Variants in SLC24A3 observed in about 807,000 individuals in gnomAD.
SLC24A3 encodes the protein solute carrier family 24 member 3, also known as sodium/potassium/calcium exchanger 3.
Under a neutral mutation model 75.8 loss-of-function variants are expected in SLC24A3, and 28 were observed. That is an observed-to-expected ratio of 0.37 (90% CI 0.27 to 0.51). The LOEUF (loss-of-function observed/expected upper bound fraction) is 0.51, where lower values mean the gene tolerates loss of function less well. Among genes scored for constraint, SLC24A3 ranks in the 20% least tolerant of loss-of-function variants. SLC24A3 has a pLI of 0.94. For missense variants in SLC24A3, 663 were observed against 847.8 expected (o/e 0.78, Z 2.71); for synonymous variants, 372 against 334.1 (o/e 1.11, Z -1.24).
intron 2 of SLC24A3, among the ~76,000 whole-genome samples, chr20:19,325,797 G>GTATATATATATATAT (rs1984841907): frequency 2.5e-5 from 1 of 40,424 alleles, no homozygotes; most frequent in Non-Finnish European, 4.3e-5. Context: ...TATATATATA[G>GTATATATATATATAT]AGAGAGAGAG....
intron 3 of SLC24A3, among the ~76,000 whole-genome samples, chr20:19,555,448 A>G (rs1283167373): frequency 2.0e-5 from 3 of 152,246 alleles, no homozygotes. Context: ...TTCTTCTTCC[A>G]TTAGTCTCGA....
Position 19,383,350 on chromosome 20 carries a change from G to C in SLC24A3, c.271+102263G>C, listed in dbSNP as rs148387204. Among the ~76,000 whole-genome samples, 495 of 152,102 alleles carry C rather than the reference G, an allele frequency of 3.3e-3. 4 individuals are homozygous for C. Among genetic ancestry groups the C allele is most frequent in the African/African-American group, 0.011 (476 of 41,508 alleles). On this transcript the variant is annotated intron_variant, in intron 2 of 16. Transcript: ENST00000328041. The stretch of plus-strand genomic sequence containing the variant: ...CCAGAAAAGATAGGGGAGACAAACT[G>C]TTTCCTTTAACAGTCTTCTATGGAA...
intron 6 of SLC24A3, among the ~76,000 whole-genome samples, chr20:19,613,592 G>C (rs754889095): frequency 6.6e-6 from 1 of 152,128 alleles, no homozygotes; most frequent in Non-Finnish European, 1.5e-5. Context: ...CAATTCCTGG[G>C]CGTCACTTCC....
intron 6 of SLC24A3, among the ~76,000 whole-genome samples, chr20:19,640,222 G>A (rs1446419312): frequency 6.6e-6 from 1 of 152,226 alleles, no homozygotes; most frequent in Non-Finnish European, 1.5e-5. Flanking sequence ...AGGCACAAGT[G>A]TGTCATTTTT....
At chr20:19,374,398 G>T (rs1986044368) in intron 2 of SLC24A3, among the ~76,000 whole-genome samples, 1 of 152,150 alleles carries the variant, frequency 6.6e-6, no homozygotes, top group Non-Finnish European at 1.5e-5. Context: ...CTGAAAATTA[G>T]GCAGCCTGCC....
At chr20:19,695,609 A>G (rs546129929) in intron 13 of SLC24A3, 1 of 152,362 alleles carries the variant, frequency 6.6e-6, no homozygotes, top group African/African-American at 2.4e-5. Flanking sequence ...TAGTGTATCC[A>G]TGACTGAAAT....
chr20:19,673,267 T>G (rs547135964), intron 8 of SLC24A3, among the ~76,000 whole-genome samples: 1 of 152,178 alleles, frequency 6.6e-6, no homozygotes, highest in East Asian at 1.9e-4. Flanking sequence ...CTGAATAGTT[T>G]CAGTGAATGA....
chr20:19,706,163 C>T (rs1321330162), intron 15 of SLC24A3, among the ~76,000 whole-genome samples: 1 of 152,112 alleles, frequency 6.6e-6, no homozygotes. Flanking sequence ...AAGAGCTGTC[C>T]AGAAATATTC....
At chr20:19,471,919 CT>C (rs1317608974) in intron 2 of SLC24A3, among the ~76,000 whole-genome samples, 17 of 152,230 alleles carry the variant, frequency 1.1e-4, no homozygotes, top group Non-Finnish European at 2.4e-4. Context: ...AAGTAATAGT[CT>C]GCAAATCTCT....
At chr20:19,389,687 T>G (rs1600460333) in intron 2 of SLC24A3, among the ~76,000 whole-genome samples, 1 of 152,348 alleles carries the variant, frequency 6.6e-6, no homozygotes, top group South Asian at 2.1e-4. Context: ...TTGAGAATTG[T>G]ATTATAATTG....
rs1366564370 is a variant in SLC24A3, at chr20:19,444,674, T to C, written c.272-70814T>C. ...ATGCAATAAGTAGTGATGGTCCCAC[T>C]TTCATTTCTGATGTTAGTAATTTGT... is the stretch of plus-strand genomic sequence containing the variant. On this transcript the variant is annotated intron_variant, in intron 2 of 16. Coordinates refer to ENST00000328041, the MANE Select transcript of SLC24A3 (RefSeq NM_020689.4). 2.0e-5 allele frequency among the ~76,000 whole-genome samples: 3 copies of C among 152,292 alleles called. No homozygotes were observed. In the East Asian group the frequency reaches 5.8e-4, roughly 29 times the overall value.
intron 9 of SLC24A3, 118 bp from the exon 10 acceptor site, chr20:19,681,740 T>C (rs2122739285): frequency 6.6e-7 from 1 of 1,515,702 alleles, no homozygotes; most frequent in Admixed American, 1.7e-5. Flanking sequence ...CACTAATAAC[T>C]TGAGGCCTGG....
At chr20:19,258,895 C>T (rs1982901003) in intron 1 of SLC24A3, among the ~76,000 whole-genome samples, 1 of 152,128 alleles carries the variant, frequency 6.6e-6, no homozygotes, top group Non-Finnish European at 1.5e-5. Flanking sequence ...GACACTTAAG[C>T]AAATTGCATT....
intron 6 of SLC24A3, among the ~76,000 whole-genome samples, chr20:19,637,026 C>G (rs188380449): frequency 1.3e-5 from 2 of 152,120 alleles, no homozygotes; most frequent in Non-Finnish European, 2.9e-5. Flanking sequence ...GGCCTGGCAC[C>G]GTGGCTCACA....
chr20:19,330,107 C>T (rs1287387177), intron 2 of SLC24A3, among the ~76,000 whole-genome samples: 1 of 152,220 alleles, frequency 6.6e-6, no homozygotes, highest in Admixed American at 6.5e-5. Context: ...AGATGACACA[C>T]TCGTCTTCTG....
chr20:19,618,228 G>A (rs937972773), intron 6 of SLC24A3, among the ~76,000 whole-genome samples: 7 of 152,182 alleles, frequency 4.6e-5, no homozygotes, highest in African/African-American at 1.4e-4. Context: ...TCATTGCTTT[G>A]TTAGTCTACT....
intron 6 of SLC24A3, among the ~76,000 whole-genome samples, chr20:19,651,609 C>T (rs1405544414): frequency 6.6e-6 from 1 of 151,946 alleles, no homozygotes; most frequent in Non-Finnish European, 1.5e-5. Flanking sequence ...CCTGTAATCC[C>T]AGCACTTTGG....
intron 2 of SLC24A3, among the ~76,000 whole-genome samples, chr20:19,332,052 G>A (rs972009780): frequency 2.6e-5 from 4 of 152,198 alleles, no homozygotes; most frequent in Non-Finnish European, 5.9e-5. Context: ...CATTGCAGCT[G>A]GGGATTAGGG....
chr20:19,701,757 T>G (rs1568703568), intron 15 of SLC24A3, among the ~76,000 whole-genome samples: 1 of 152,168 alleles, frequency 6.6e-6, no homozygotes, highest in Non-Finnish European at 1.5e-5. Context: ...ACTATCTGAA[T>G]TTTAACTGCT....
Sources: allele counts gnomAD v4.1 joint callset (sites outside exome capture counted in the v4.1 genomes callset), GRCh38; gene constraint gnomAD v4.1.1; transcripts MANE v1.5; gene names NCBI Gene and HGNC (gene_info 2026-07-23, HGNC 2026-07-21).